The following VTCN1 variants were observed in gnomAD, a reference collection of about 807,000 sequenced individuals.
VTCN1 encodes the protein V-set domain containing T cell activation inhibitor 1.
Under a neutral mutation model 26.5 loss-of-function variants are expected in VTCN1, and 26 were observed. The observed-to-expected ratio is 0.98, with a 90% confidence interval of 0.72 to 1.36. The LOEUF (loss-of-function observed/expected upper bound fraction) is 1.36, where lower values mean the gene tolerates loss of function less well. Ranked by LOEUF, VTCN1 falls within the 40% of genes most tolerant of loss-of-function variation. The probability of loss-of-function intolerance (pLI) is 0.00; values close to 1 mark genes in which losing one functional copy is unlikely to be tolerated. For synonymous variants in VTCN1, 116 were observed against 130.7 expected (o/e 0.89, Z 0.77); for missense variants, 298 against 337.7 (o/e 0.88, Z 0.92).
Position 117,165,620 on chromosome 1 carries a change from C to T in VTCN1, c.97+4487G>A, listed in dbSNP as rs531237525. Among the ~76,000 whole-genome samples, 32 of 152,282 alleles carry T rather than the reference C, an allele frequency of 2.1e-4. No homozygotes were observed. In the East Asian group the frequency reaches 3.5e-3, roughly 17 times the overall value. ...TTCGACATATGACATGACTGTTTCC[C>T]CTCGCCGTCCATCATGACTGAAAGC... On this transcript the variant is annotated intron_variant, in intron 2 of 5. Coordinates refer to ENST00000369458, the MANE Select transcript of VTCN1 (RefSeq NM_024626.4).
chr1:117,158,538 C>T (rs1488915319), intron 2 of VTCN1, among the ~76,000 whole-genome samples: 5 of 152,140 alleles, frequency 3.3e-5, no homozygotes, highest in Non-Finnish European at 5.9e-5. Context: ...CTGGGCCCGG[C>T]CCACAAAACT....
intron 3 of VTCN1, among the ~76,000 whole-genome samples, chr1:117,156,229 C>T (rs746282194): frequency 6.6e-5 from 10 of 152,132 alleles, no homozygotes; most frequent in Admixed American, 2.0e-4. Flanking sequence ...TTCAGGATTG[C>T]GCTTGGGTCT....
At chr1:117,202,168 C>A (rs1038205390) in intron 1 of VTCN1, among the ~76,000 whole-genome samples, 14 of 152,224 alleles carry the variant, frequency 9.2e-5, no homozygotes, top group Non-Finnish European at 1.6e-4. Flanking sequence ...CTGTTATATT[C>A]TGTTCCTGAA....
rs377381361 is a variant in VTCN1 at position 117,147,791 on chromosome 1, T to C, written c.725-9A>G. ...CCTTTTGATCTCCGATTCTGTGAAG[T>C]GAGAGAAAAAGTTTAGGGTCATACA... is the stretch of plus-strand genomic sequence containing the variant. On this transcript the variant is annotated splice_polypyrimidine_tract_variant and intron_variant, in intron 4 of 5. Coordinates refer to ENST00000369458, the MANE Select transcript of VTCN1 (RefSeq NM_024626.4). This position sits in a 1 kb window ranked among gnomAD's most constrained non-coding sequence, Gnocchi z 4.6. The C allele has an allele frequency of 6.2e-7, 1 of 1,612,398 alleles. No individual in the cohort carries two copies. Among genetic ancestry groups the C allele is most frequent in the Non-Finnish European group, 8.5e-7 (1 of 1,179,484 alleles).
At chr1:117,165,569 C>A (rs921177928) in intron 2 of VTCN1, among the ~76,000 whole-genome samples, 11 of 152,210 alleles carry the variant, frequency 7.2e-5, no homozygotes, top group South Asian at 4.2e-4. Flanking sequence ...ACCTCCCCAC[C>A]ACTCTCTCTC....
intron 1 of VTCN1, among the ~76,000 whole-genome samples, chr1:117,177,342 T>G (rs945760868): frequency 3.9e-5 from 6 of 152,076 alleles, no homozygotes; most frequent in Admixed American, 6.6e-5. Context: ...GAATTCAAGG[T>G]GTAGAGTATG....
Position 117,156,745 on chromosome 1 carries a change from C to A in VTCN1, c.274G>T (p.Glu92Ter), listed in dbSNP as rs772238437. ...CGGCCTCTGAACATTTCATCCTGCT[C>A]CGACAGCTCATCTTTGCCTTCTTTG... is the stretch of plus-strand genomic sequence containing the variant. ...EFKEGKDELS[E>*]QDEMFRGRTA... Residue 92 changes from glutamate to a stop codon, truncating the protein, a stop_gained, in exon 3 of 6, where the codon GAG (glutamate) becomes TAG (stop). Transcript: ENST00000369458. LOFTEE classifies it high-confidence loss of function. The A allele has an allele frequency of 3.1e-6, 5 of 1,614,158 alleles. No homozygotes were observed. The South Asian group carries it at 5.5e-5, about 18-fold the overall frequency.
intron 1 of VTCN1, among the ~76,000 whole-genome samples, chr1:117,176,174 C>T (rs1299820459): frequency 5.9e-5 from 9 of 152,186 alleles, no homozygotes; most frequent in Non-Finnish European, 1.2e-4. Flanking sequence ...TATTGTTTCT[C>T]ATTCAACCCT....
At chr1:117,153,460 C>CT (rs1651907921) in intron 3 of VTCN1, 91 bp from the exon 4 acceptor site, 13 of 981,454 alleles carry the variant, frequency 1.3e-5, no homozygotes, top group Admixed American at 6.1e-5. Context: ...AAAATGCAGT[C>CT]ATTTTTTTTT....
At chr1:117,208,750 A>G (rs1649219958) in intron 1 of VTCN1, among the ~76,000 whole-genome samples, 1 of 152,150 alleles carries the variant, frequency 6.6e-6, no homozygotes, top group Admixed American at 6.5e-5. Context: ...GCACGGTAAA[A>G]TCTGCACATC....
At chr1:117,172,285 C>T (rs1652959454) in intron 1 of VTCN1, 1 of 506,582 alleles carries the variant, frequency 2.0e-6, no homozygotes, top group South Asian at 1.4e-5. Context: ...ACAACAGTTC[C>T]CCTGCCGGCC....
At chr1:117,206,701 C>A (rs1649091752) in intron 1 of VTCN1, among the ~76,000 whole-genome samples, 1 of 151,700 alleles carries the variant, frequency 6.6e-6, no homozygotes, top group Non-Finnish European at 1.5e-5. Context: ...ATAAGATGGG[C>A]AATTGATGGC....
chr1:117,162,538 G>A (rs1318604647), intron 2 of VTCN1, among the ~76,000 whole-genome samples: 2 of 152,108 alleles, frequency 1.3e-5, no homozygotes, highest in Admixed American at 6.5e-5. Context: ...ATGGAGATGG[G>A]CTAGAGGCAG....
intron 4 of VTCN1, among the ~76,000 whole-genome samples, chr1:117,151,702 C>T (rs367770927): frequency 1.1e-4 from 16 of 152,240 alleles, no homozygotes; most frequent in African/African-American, 3.1e-4. Flanking sequence ...AGTCCCCACT[C>T]GACCCACGAA....
At position 117,208,326 on chromosome 1, in the gene VTCN1, A is replaced by G. The variant is rs114803142; in HGVS notation, c.32+2498T>C. ...TTCCACCCTTCTTCACCTGGGTCATATGAACTCATTTTTCAAGACACAGCC... is the reference window on the plus strand; with the variant it reads ...TTCCACCCTTCTTCACCTGGGTCATGTGAACTCATTTTTCAAGACACAGCC... On this transcript the variant is annotated intron_variant, in intron 1 of 5. Transcript: ENST00000369458. 9.6e-3 allele frequency among the ~76,000 whole-genome samples: 1,468 copies of G among 152,184 alleles called. 12 individuals are homozygous for G. The highest frequency in any genetic ancestry group is 0.014 in the Non-Finnish European group (932 of 67,998).
At chr1:117,180,361 A>G (rs1191440030) in intron 1 of VTCN1, among the ~76,000 whole-genome samples, 1 of 152,188 alleles carries the variant, frequency 6.6e-6, no homozygotes, top group Non-Finnish European at 1.5e-5. Flanking sequence ...TCACTGGTAC[A>G]AGCAGAGCGA....
intron 1 of VTCN1, among the ~76,000 whole-genome samples, chr1:117,209,113 C>A (rs959666814): frequency 2.6e-5 from 4 of 152,132 alleles, no homozygotes; most frequent in African/African-American, 4.8e-5. Context: ...CATGGACAGT[C>A]GCTGCTTCTG....
chr1:117,182,877 C>T (rs1394579414), intron 1 of VTCN1, among the ~76,000 whole-genome samples: 1 of 152,164 alleles, frequency 6.6e-6, no homozygotes, highest in Non-Finnish European at 1.5e-5. Context: ...CCTGTACCTA[C>T]CCCACCTTTG....
Position 117,153,256 on chromosome 1 carries a change from G to C in VTCN1, c.559C>G (p.Gln187Glu). The change falls in exon 4 of 6, where the codon CAG becomes GAG. Residue 187 changes from glutamine to glutamate, a missense_variant. By Grantham distance (29) the Gln-to-Glu change is conservative (BLOSUM62 2). Transcript: ENST00000369458. ...GAGACTTCCGAGAAGTTGGCTCCCT[G>C]GTCAACTTGGGATGCCCAGACCACT... The part of the protein sequence containing the change: ...PTVVWASQVD[Q>E]GANFSEVSNT... 6.2e-7 allele frequency: 1 copy of C among 1,614,070 alleles called. No homozygotes were observed. The highest frequency in any genetic ancestry group is 8.5e-7 in the Non-Finnish European group (1 of 1,179,994).
Sources: allele counts gnomAD v4.1 joint callset (sites outside exome capture counted in the v4.1 genomes callset), GRCh38; gene constraint gnomAD v4.1.1; non-coding constraint Gnocchi (gnomAD v3.1); transcripts MANE v1.5; gene names NCBI Gene and HGNC (gene_info 2026-07-23, HGNC 2026-07-21).